F8: variants seen among roughly 807,000 people sequenced by gnomAD.
F8 encodes the protein antihemophilic factor.
In F8, 12 loss-of-function variants were observed where a neutral mutation model predicts 140.6. The ratio of observed to expected loss-of-function variants is 0.09; its 90% CI spans 0.05 to 0.14. F8 has a LOEUF of 0.14. F8 is among the 10% of genes least tolerant of loss of function. The pLI, the probability that F8 is intolerant of heterozygous loss-of-function variation, is 1.00. For synonymous variants in F8, 585 were observed against 614.6 expected (o/e 0.95, Z 0.71); for missense variants, 1,354 against 1,720.7 (o/e 0.79, Z 3.77).
chrX:155,021,343 A>G (rs1475747722), intron 1 of F8, among the ~76,000 whole-genome samples: 3 of 111,639 alleles, frequency 2.7e-5, no homozygotes, highest in Non-Finnish European at 5.6e-5. Flanking sequence ...AAAAGAATAT[A>G]AAGTATGTAC....
chrX:154,930,711 C>T lies in F8; in HGVS notation c.3079G>A (p.Ala1027Thr), dbSNP rs201263863. The T allele has an allele frequency of 8.3e-7, 1 of 1,207,062 alleles. No individual in the cohort carries two copies. The highest frequency in any genetic ancestry group is 1.8e-5 in the African/African-American group (1 of 57,102). The change falls in exon 14 of 26, where the codon GCA becomes ACA. Residue 1027 changes from alanine (A) to threonine (T), a missense_variant. Coordinates refer to ENST00000360256, the MANE Select transcript of F8 (RefSeq NM_000132.4). Reference sequence around the variant, plus strand: ...TCAATGTGAGTCTTTCTATTAGTTGCTGAATTATTGGAAGTTTTGTTTGTC... The same window carrying T: ...TCAATGTGAGTCTTTCTATTAGTTGTTGAATTATTGGAAGTTTTGTTTGTC... ...LKTNKTSNNSATNRKTHIDGP... is the reference protein window; with the variant it reads ...LKTNKTSNNSTTNRKTHIDGP...
Position 154,929,058 on chromosome X carries a change from A to C in F8, c.4732T>G (p.Ser1578Ala). The C allele has an allele frequency of 8.3e-7, 1 of 1,210,972 alleles. No individual in the cohort carries two copies. Among genetic ancestry groups the C allele is most frequent in the Non-Finnish European group, 1.1e-6 (1 of 895,083 alleles). ...CAAGCAAGAGGATCCAATAGCTTGG[A>C]GGGAGTCTTTGCAGAGCTTTCTGTT... ...VATESSAKTP[S>A]KLLDPLAWDN... The change falls in exon 14 of 26, where the codon TCC becomes GCC. Residue 1578 changes from serine (S) to alanine (A), a missense_variant. This residue lies in a region of F8 where 658 missense variants were observed against 666.5 expected (regional missense o/e 0.99). Coordinates refer to ENST00000360256, the MANE Select transcript of F8 (RefSeq NM_000132.4).
chrX:154,976,287 A>C (rs1404669228), intron 6 of F8, among the ~76,000 whole-genome samples: 1 of 111,638 alleles, frequency 9.0e-6, no homozygotes, highest in Non-Finnish European at 1.9e-5. Flanking sequence ...ATGTGCATGG[A>C]ATATCTGTTT....
intron 14 of F8, among the ~76,000 whole-genome samples, chrX:154,924,893 A>T (rs1557277901): frequency 8.9e-6 from 1 of 111,981 alleles, no homozygotes; most frequent in Admixed American, 9.4e-5. Flanking sequence ...AGCGGCTGGG[A>T]CACAAGGCAC....
chrX:154,906,596 A>G (rs1477143768), intron 14 of F8, 23 bp from the exon 15 acceptor site: 14 of 1,204,774 alleles, frequency 1.2e-5, no homozygotes, highest in Non-Finnish European at 1.1e-5. Flanking sequence ...AGCAGAGGAA[A>G]AGCAATAATT....
intron 6 of F8, among the ~76,000 whole-genome samples, chrX:154,980,660 G>A (rs1393288698): frequency 6.2e-5 from 7 of 112,052 alleles, no homozygotes; most frequent in African/African-American, 1.6e-4. Context: ...CAGTGAGCTC[G>A]TTTAGAAATT....
In F8 at chrX:154,906,555, G is replaced by A; in HGVS notation, c.5238C>T (p.Val1746=). The change falls in exon 15 of 26, where the codon GTC becomes GTT. Residue 1746 remains valine, a synonymous_variant. Coordinates refer to ENST00000360256, the MANE Select transcript of F8 (RefSeq NM_000132.4). ...VLRNRAQSGS[V]PQFKKVVFQE... Reference sequence around the variant, plus strand: ...GGAAAACAACTTTCTTGAACTGAGGGACACTGCCACTCTGAGCCCTGGAGA... The same window carrying A: ...GGAAAACAACTTTCTTGAACTGAGGAACACTGCCACTCTGAGCCCTGGAGA... 8.3e-7 allele frequency: 1 copy of A among 1,210,427 alleles called. No individual in the cohort carries two copies. Among genetic ancestry groups the A allele is most frequent in the Non-Finnish European group, 1.1e-6 (1 of 894,774 alleles).
intron 15 of F8, among the ~76,000 whole-genome samples, chrX:154,905,371 A>G (rs781807348): frequency 8.0e-5 from 9 of 111,899 alleles, no homozygotes; most frequent in African/African-American, 2.9e-4. Context: ...GACAAATTCT[A>G]GAATGAATGC....
At chrX:154,916,948 G>A (rs2073100987) in intron 14 of F8, among the ~76,000 whole-genome samples, 1 of 109,981 alleles carries the variant, frequency 9.1e-6, no homozygotes, top group Admixed American at 9.7e-5. Context: ...TCTTAGTACC[G>A]CTTTTGTTGT....
At chrX:154,937,938 A>G (rs2073233177) in intron 13 of F8, among the ~76,000 whole-genome samples, 1 of 111,740 alleles carries the variant, frequency 8.9e-6, no homozygotes, top group South Asian at 3.7e-4. Flanking sequence ...TAAAATTTAT[A>G]TAAAAATCAA....
At chrX:154,907,009 AAATGCAATCATC>A (rs1158084901) in intron 14 of F8, among the ~76,000 whole-genome samples, 1 of 112,093 alleles carries the variant, frequency 8.9e-6, no homozygotes, top group African/African-American at 3.2e-5. Context: ...TTTGGTACAT[AAATGCAATCATC>A]ACCCAGATCA....
chrX:155,000,856 G>A (rs1394213924), intron 1 of F8, among the ~76,000 whole-genome samples: 1 of 111,509 alleles, frequency 9.0e-6, no homozygotes, highest in African/African-American at 3.3e-5. Context: ...TGCTTGGTAT[G>A]GCGGACCACT....
rs781848703 is a variant in F8, at chrX:154,958,703, T to C, written c.1538-1532A>G. Among the ~76,000 whole-genome samples, 4 of 111,778 alleles carry C rather than the reference T, an allele frequency of 3.6e-5. No individual in the cohort carries two copies. In the East Asian group the frequency reaches 8.4e-4, roughly 24 times the overall value. On this transcript the variant is annotated intron_variant, in intron 10 of 25. Transcript: ENST00000360256. ...ATCTTGGCTCACTGCAACCTTCACC[T>C]CCCAGTTTCAAGCAATTCTCCTGCC...
intron 12 of F8, among the ~76,000 whole-genome samples, chrX:154,953,290 G>T (rs966443617): frequency 1.8e-5 from 2 of 112,052 alleles, no homozygotes; most frequent in South Asian, 3.7e-4. Context: ...TTAAAATAAG[G>T]TCATTACGGT....
intron 12 of F8, among the ~76,000 whole-genome samples, chrX:154,950,223 C>G (rs2073329718): frequency 1.8e-5 from 2 of 112,193 alleles, no homozygotes; most frequent in Middle Eastern, 4.6e-3. Flanking sequence ...TTCTAGGGGA[C>G]ATGATTCAGG....
intron 6 of F8, among the ~76,000 whole-genome samples, chrX:154,974,447 C>T (rs966647662): frequency 6.2e-5 from 7 of 112,025 alleles, no homozygotes; most frequent in African/African-American, 2.3e-4. Flanking sequence ...ACCATCCTTA[C>T]ATCACTGGGA....
In F8 at chrX:154,906,423, G is replaced by C; in HGVS notation, c.5370C>G (p.Ile1790Met). The C allele has an allele frequency of 8.3e-7, 1 of 1,207,958 alleles. No individual in the cohort carries two copies. Among genetic ancestry groups the C allele is most frequent in the Non-Finnish European group, 1.1e-6 (1 of 892,786 alleles). The change falls in exon 15 of 26, where the codon ATC becomes ATG. Residue 1790 changes from isoleucine to methionine, a missense_variant. By Grantham distance (10) the Ile-to-Met change is conservative. Transcript: ENST00000360256. ...PYIRAEVEDN[I>M]MVTFRNQASR... ...AATTCCACTGTCCTTAACTCACCAT[G>C]ATATTATCTTCAACTTCTGCTCTTA...
Position 154,953,877 on chromosome X carries a change from T to G in F8, c.1903+15A>C. 8.3e-7 allele frequency: 1 copy of G among 1,211,662 alleles called. No individual in the cohort carries two copies. The highest frequency in any genetic ancestry group is 1.1e-6 in the Non-Finnish European group (1 of 895,261). On this transcript the variant is annotated intron_variant, in intron 12 of 25. Coordinates refer to ENST00000360256, the MANE Select transcript of F8 (RefSeq NM_000132.4). ...TTATTCACCACCCACTGGACTTAAG[T>G]GCTGCTTTACTCACTGTGCATGATG...
intron 24 of F8, among the ~76,000 whole-genome samples, chrX:154,860,977 G>A (rs1386354178): frequency 1.8e-5 from 2 of 111,322 alleles, no homozygotes; most frequent in Non-Finnish European, 3.8e-5. Context: ...GATTACAGGC[G>A]TGAGCCACTC....
Sources: gnomAD v4.1 joint callset for allele counts (sites outside exome capture counted in the v4.1 genomes callset) on GRCh38, gnomAD v4.1.1 for gene constraint, gnomAD v4.1.1 regional missense constraint, MANE v1.5 for transcripts, NCBI Gene and HGNC (gene_info 2026-07-23, HGNC 2026-07-21) for gene names.